Variants in PCLO observed in about 807,000 individuals in gnomAD.
PCLO encodes protein piccolo.
PCLO carries 82 observed loss-of-function variants against 427.5 expected under a neutral mutation model. That is an observed-to-expected ratio of 0.19 (90% CI 0.16 to 0.23). The LOEUF is 0.23. PCLO is among the 10% of genes least tolerant of loss of function. The pLI, the probability that PCLO is intolerant of heterozygous loss-of-function variation, is 1.00. For missense variants in PCLO, 6,239 were observed against 6,115.9 expected, an observed-to-expected ratio of 1.02 and a Z score of -0.67; for synonymous variants, 2,357 against 2,155.4, an observed-to-expected ratio of 1.09 and a Z score of -2.59.
chr7:83,035,439 C>G (rs1378748368), intron 3 of PCLO, among the ~76,000 whole-genome samples: 1 of 152,046 alleles, frequency 6.6e-6, no homozygotes, highest in Non-Finnish European at 1.5e-5. Flanking sequence ...CTTGTCTCTA[C>G]TAATGTAAAT....
intron 22 of PCLO, among the ~76,000 whole-genome samples, chr7:82,774,295 A>G (rs948222896): frequency 6.6e-6 from 1 of 152,178 alleles, no homozygotes; most frequent in Admixed American, 6.6e-5. Context: ...TATTCTCCCA[A>G]TTCCATCTAT....
intron 4 of PCLO, among the ~76,000 whole-genome samples, chr7:82,963,360 T>A (rs888704971): frequency 6.6e-6 from 1 of 152,100 alleles, no homozygotes; most frequent in Admixed American, 6.5e-5. Context: ...CATTTTCTGA[T>A]AGTTAACAAA....
At chr7:82,926,522 A>C (rs1372965666) in intron 6 of PCLO, among the ~76,000 whole-genome samples, 1 of 152,218 alleles carries the variant, frequency 6.6e-6, no homozygotes, top group Non-Finnish European at 1.5e-5. Flanking sequence ...TATTTATCAA[A>C]GTCTAGTAAT....
At chr7:83,058,263 T>C (rs1789451674) in intron 3 of PCLO, among the ~76,000 whole-genome samples, 1 of 152,188 alleles carries the variant, frequency 6.6e-6, no homozygotes, top group Non-Finnish European at 1.5e-5. Flanking sequence ...AATAGTGAAT[T>C]GAGAATCATT....
At chr7:83,141,790 C>G (rs954398058) in intron 2 of PCLO, among the ~76,000 whole-genome samples, 1 of 152,078 alleles carries the variant, frequency 6.6e-6, no homozygotes, top group Non-Finnish European at 1.5e-5. Flanking sequence ...TAATTGTGAA[C>G]TTCACATAAA....
rs750843835 is a variant in PCLO at position 82,845,359 on chromosome 7, C to A, written c.13958G>T (p.Gly4653Val). The change falls in exon 13 of 25, where the codon GGT (glycine) becomes GTT (valine). Residue 4653 changes from glycine to valine, a missense_variant. Physicochemically the swap from Gly to Val is moderately radical, Grantham distance 109. Transcript: ENST00000333891. Reference sequence around the variant, plus strand: ...GGAACTGGATCCTGCTGATGTAGGACCTGAATGAACATGAGATCCTTTTTC... The same window carrying A: ...GGAACTGGATCCTGCTGATGTAGGAACTGAATGAACATGAGATCCTTTTTC... The part of the protein sequence containing the change: ...VVEKGSHVHS[G>V]PTSAGSSSVP... The A allele has an allele frequency of 1.2e-6, 2 of 1,613,366 alleles. No homozygotes were observed. The highest frequency in any genetic ancestry group is 3.3e-5 in the Admixed American group (2 of 59,922).
At chr7:82,871,633 A>G (rs2115992112) in intron 10 of PCLO, among the ~76,000 whole-genome samples, 1 of 152,090 alleles carries the variant, frequency 6.6e-6, no homozygotes, top group African/African-American at 2.4e-5. Context: ...GAAATAATAA[A>G]CATTTGAGGT....
intron 8 of PCLO, among the ~76,000 whole-genome samples, chr7:82,904,362 A>G: frequency 6.6e-6 from 1 of 150,766 alleles, no homozygotes; most frequent in East Asian, 2.0e-4. Context: ...TTTTTCTCCC[A>G]CTTTTTTCCT....
intron 3 of PCLO, among the ~76,000 whole-genome samples, chr7:82,971,552 CATATAATATATATCATGTTATATAAT>C (rs1562891949): frequency 6.8e-6 from 1 of 146,502 alleles, no homozygotes; most frequent in Non-Finnish European, 1.5e-5. Flanking sequence ...TCTATATAAT[CATATAATATATATCATGTTATATAAT>C]ATATAATATA....
chr7:83,156,003 T>C lies in PCLO; in HGVS notation c.638A>G (p.Gln213Arg). The C allele has an allele frequency of 6.2e-7, 1 of 1,613,680 alleles. No homozygotes were observed. ...CTTAGGAATCGGCTTGGGTGGCTGT[T>C]GTTGTAAAGGAGGTTTTATGATTCC... ...PEGIIKPPLQ[Q>R]QPPKPIPKQQ... is the part of the protein sequence containing the mutation. Residue 213 changes from glutamine (Q) to arginine (R), a missense_variant, in exon 2 of 25, where the codon CAA becomes CGA. This residue lies in a region of PCLO where 4,677 missense variants were observed against 4,468.4 expected (regional missense o/e 1.05). Transcript: ENST00000333891.
At position 82,950,253 on chromosome 7, in the gene PCLO, T is replaced by C. The variant is rs1438080791; in HGVS notation, c.10335A>G (p.Val3445=). The C allele has an allele frequency of 6.2e-7, 1 of 1,613,368 alleles. No homozygotes were observed. The highest frequency in any genetic ancestry group is 1.7e-5 in the Admixed American group (1 of 59,894). ...RSFKKIVDSG[V]QTDDEDATDR... is the part of the protein sequence containing the mutation. ...CTGTGGCATCTTCGTCATCCGTTTG[T>C]ACACCACTGTCCACTATCTTTTTAA... is the stretch of plus-strand genomic sequence containing the variant. Residue 3445 remains valine (V), a synonymous_variant, in exon 6 of 25, where the codon GTA becomes GTG. Coordinates refer to ENST00000333891, the MANE Select transcript of PCLO (RefSeq NM_033026.6).
intron 6 of PCLO, among the ~76,000 whole-genome samples, chr7:82,921,058 T>G (rs1794583824): frequency 6.6e-6 from 1 of 151,428 alleles, no homozygotes; most frequent in African/African-American, 2.4e-5. Flanking sequence ...AGACACTAGA[T>G]GGAAGAAATC....
At chr7:82,933,594 T>A (rs1214585471) in intron 6 of PCLO, among the ~76,000 whole-genome samples, 1 of 143,838 alleles carries the variant, frequency 7.0e-6, no homozygotes, top group South Asian at 2.3e-4. Context: ...ATTCCTGATA[T>A]ATAAGAAATG....
intron 3 of PCLO, among the ~76,000 whole-genome samples, chr7:83,025,018 A>T (rs1788453758): frequency 6.6e-6 from 1 of 152,296 alleles, no homozygotes; most frequent in East Asian, 1.9e-4. Context: ...ACAGAACAGA[A>T]AAACTGGAAA....
At chr7:83,105,610 G>C (rs534174235) in intron 3 of PCLO, among the ~76,000 whole-genome samples, 1 of 152,310 alleles carries the variant, frequency 6.6e-6, no homozygotes, top group Non-Finnish European at 1.5e-5. Context: ...GGGACACTAT[G>C]TGTATTCTGA....
intron 3 of PCLO, among the ~76,000 whole-genome samples, chr7:83,088,788 T>C (rs1054860763): frequency 4.6e-5 from 7 of 152,174 alleles, no homozygotes; most frequent in Non-Finnish European, 8.8e-5. Context: ...AGTTGTGATG[T>C]CCTTACCACA....
intron 3 of PCLO, among the ~76,000 whole-genome samples, chr7:83,117,869 CCTATTACTAGG>C (rs1218196177): frequency 3.9e-5 from 6 of 152,088 alleles, no homozygotes; most frequent in Admixed American, 3.9e-4. Context: ...CAGATAATAA[CCTATTACTAGG>C]CTATTATTGT....
chr7:83,138,246 CCATT>C (rs1791777648), intron 2 of PCLO, among the ~76,000 whole-genome samples: 1 of 152,182 alleles, frequency 6.6e-6, no homozygotes, highest in South Asian at 2.1e-4. Context: ...ATTTTCATTA[CCATT>C]AATTGCTTTT....
chr7:83,160,819 C>T (rs1182136433), intron 1 of PCLO, among the ~76,000 whole-genome samples: 1 of 151,992 alleles, frequency 6.6e-6, no homozygotes, highest in Non-Finnish European at 1.5e-5. Flanking sequence ...GTTGCTTGTG[C>T]CTCTTAGGAA....
Sources: gnomAD v4.1 joint callset for allele counts (sites outside exome capture counted in the v4.1 genomes callset) on GRCh38, gnomAD v4.1.1 for gene constraint, gnomAD v4.1.1 regional missense constraint, MANE v1.5 for transcripts, NCBI Gene and HGNC (gene_info 2026-07-23, HGNC 2026-07-21) for gene names.